The following PDE4D variants were observed in gnomAD, a reference collection of about 807,000 sequenced individuals.
The protein encoded by PDE4D is phosphodiesterase 4D, also known as 3',5'-cyclic-AMP phosphodiesterase 4D.
In PDE4D, 24 loss-of-function variants were observed where a neutral mutation model predicts 87.4. The ratio of observed to expected loss-of-function variants is 0.27; its 90% CI spans 0.20 to 0.39. The LOEUF (loss-of-function observed/expected upper bound fraction) is 0.39. PDE4D is among the 10% of genes least tolerant of loss of function. The pLI is 1.00. For missense variants in PDE4D, 714 were observed against 1,041.0 expected, an observed-to-expected ratio of 0.69 and a Z score of 4.32; for synonymous variants, 384 against 383.2, an observed-to-expected ratio of 1.00 and a Z score of -0.02.
At chr5:59,908,705 C>T (rs971029004) in intron 3 of PDE4D, among the ~76,000 whole-genome samples, 1 of 152,132 alleles carries the variant, frequency 6.6e-6, no homozygotes, top group African/African-American at 2.4e-5. Context: ...TGAAAATACT[C>T]TAATATATTC....
At chr5:59,938,965 T>C (rs930706703) in intron 3 of PDE4D, among the ~76,000 whole-genome samples, 4 of 152,220 alleles carry the variant, frequency 2.6e-5, no homozygotes, top group Non-Finnish European at 4.4e-5. Flanking sequence ...ACCATGAGAC[T>C]AGTTATGGCC....
intron 1 of PDE4D, among the ~76,000 whole-genome samples, chr5:60,331,059 G>A (rs1757272375): frequency 1.3e-5 from 2 of 152,196 alleles, no homozygotes; most frequent in African/African-American, 4.8e-5. Context: ...TAGTTACTCA[G>A]CAAATATTTA....
At chr5:59,003,361 C>T (rs1471614438) in intron 6 of PDE4D, among the ~76,000 whole-genome samples, 2 of 152,200 alleles carry the variant, frequency 1.3e-5, no homozygotes, top group Non-Finnish European at 2.9e-5. Context: ...CTTCACCATA[C>T]AGCTGACAAT....
intron 1 of PDE4D, among the ~76,000 whole-genome samples, chr5:59,380,903 G>A (rs1785679647): frequency 6.6e-6 from 1 of 151,936 alleles, no homozygotes; most frequent in South Asian, 2.1e-4. Flanking sequence ...AAGTTTATTG[G>A]AACATATTAT....
chr5:60,333,253 G>A (rs1757461817), intron 1 of PDE4D, among the ~76,000 whole-genome samples: 2 of 152,130 alleles, frequency 1.3e-5, no homozygotes, highest in Admixed American at 1.3e-4. Flanking sequence ...TATCCCCAAG[G>A]CTAACAGCTT....
rs150568744 is a variant in PDE4D at position 59,888,037 on chromosome 5, CAT to C, written c.455+5129_455+5130del. ...TTAAGTAATTTAACCCCTCATGACA[CAT>C]GTTTCTTCAAATGTAAAAGATGGAC... is the stretch of plus-strand genomic sequence containing the variant. On this transcript the variant is annotated intron_variant, in intron 1 of 14. Coordinates refer to ENST00000340635, the MANE Select transcript of PDE4D (RefSeq NM_001104631.2). Among the ~76,000 whole-genome samples, 1,217 of 152,274 alleles carry C rather than the reference CAT, an allele frequency of 8.0e-3. 13 individuals carry two copies. Among genetic ancestry groups the C allele is most frequent in the African/African-American group, 0.028 (1,158 of 41,528 alleles).
intron 1 of PDE4D, among the ~76,000 whole-genome samples, chr5:59,771,530 G>GAAAGAAAGAA (rs1458740496): frequency 6.8e-6 from 1 of 146,592 alleles, no homozygotes; most frequent in Non-Finnish European, 1.5e-5. Flanking sequence ...AAGAAAGAAA[G>GAAAGAAAGAA]AAAGAAAGAA....
At chr5:60,459,175 G>T (rs1232474360) in intron 1 of PDE4D, among the ~76,000 whole-genome samples, 1 of 152,046 alleles carries the variant, frequency 6.6e-6, no homozygotes, top group African/African-American at 2.4e-5. Flanking sequence ...GATCCTACAG[G>T]TTCTTCTGAT....
chr5:59,045,315 A>G (rs1760428251), intron 5 of PDE4D, among the ~76,000 whole-genome samples: 2 of 152,182 alleles, frequency 1.3e-5, no homozygotes, highest in South Asian at 4.1e-4. Flanking sequence ...GCACTTTGGG[A>G]GGCCGAGGTG....
chr5:59,275,311 G>GA, intron 1 of PDE4D: 1 of 1,567,654 alleles, frequency 6.4e-7, no homozygotes, highest in Non-Finnish European at 8.7e-7. Context: ...GAGAAAAGGG[G>GA]AAAAGCATGA....
intron 2 of PDE4D, among the ~76,000 whole-genome samples, chr5:59,990,828 A>T (rs956890859): frequency 2.6e-4 from 39 of 152,126 alleles, no homozygotes; most frequent in Non-Finnish European, 1.3e-4. Context: ...TAATCATCTT[A>T]CTTCGCCTGG....
chr5:59,481,510 A>G (rs1295373402), intron 1 of PDE4D, among the ~76,000 whole-genome samples: 1 of 152,052 alleles, frequency 6.6e-6, no homozygotes, highest in Admixed American at 6.6e-5. Context: ...AGACCCATGG[A>G]ACCCTTCAAG....
At chr5:59,768,629 C>T in intron 1 of PDE4D, 2 of 1,531,230 alleles carry the variant, frequency 1.3e-6, no homozygotes, top group Non-Finnish European at 8.7e-7. Flanking sequence ...CATTCAGTCG[C>T]CTGCCTCAGT....
intron 1 of PDE4D, among the ~76,000 whole-genome samples, chr5:59,825,904 C>T (rs1770268201): frequency 1.3e-5 from 2 of 152,136 alleles, no homozygotes; most frequent in Admixed American, 1.3e-4. Context: ...CCTTCCTTCT[C>T]ACCCATCCAG....
chr5:60,172,509 C>G (rs1783554264), intron 2 of PDE4D, among the ~76,000 whole-genome samples: 1 of 152,082 alleles, frequency 6.6e-6, no homozygotes, highest in African/African-American at 2.4e-5. Context: ...TGCTTTCACT[C>G]TGCCCCTGCT....
rs139258643 is a variant in PDE4D, at chr5:59,301,291, A to T, written c.456-85323T>A. ...CAACATTATAACAAAAGACTGTAACAAGGGCTGTGGGAGTTATGAGCTAGA... is the reference window on the plus strand; with the variant it reads ...CAACATTATAACAAAAGACTGTAACTAGGGCTGTGGGAGTTATGAGCTAGA... On this transcript the variant is annotated intron_variant, in intron 1 of 14. Transcript: ENST00000340635. Among the ~76,000 whole-genome samples, 11 of 152,254 alleles carry T rather than the reference A, an allele frequency of 7.2e-5. No individual in the cohort carries two copies. In the East Asian group the frequency reaches 2.1e-3, roughly 30 times the overall value.
chr5:59,595,618 C>G (rs751163215), intron 1 of PDE4D, among the ~76,000 whole-genome samples: 4 of 152,140 alleles, frequency 2.6e-5, no homozygotes, highest in Non-Finnish European at 5.9e-5. Context: ...TCAAACCTCT[C>G]CACTCTCACA....
At chr5:60,514,250 T>G (rs751178459) in intron 1 of PDE4D, among the ~76,000 whole-genome samples, 15 of 152,090 alleles carry the variant, frequency 9.9e-5, no homozygotes, top group Non-Finnish European at 1.8e-4. Context: ...CGATTCACTG[T>G]TGAATTCTGC....
chr5:60,228,315 G>T (rs1267803053), intron 1 of PDE4D, among the ~76,000 whole-genome samples: 1 of 152,098 alleles, frequency 6.6e-6, no homozygotes, highest in African/African-American at 2.4e-5. Flanking sequence ...ATATACAGAA[G>T]ATATTTTTCA....
Sources: gnomAD v4.1 joint callset for allele counts (sites outside exome capture counted in the v4.1 genomes callset) on GRCh38, gnomAD v4.1.1 for gene constraint, MANE v1.5 for transcripts, NCBI Gene and HGNC (gene_info 2026-07-23, HGNC 2026-07-21) for gene names.